EVI5: variants seen among roughly 807,000 people sequenced by gnomAD.
The protein encoded by EVI5 is ecotropic viral integration site 5 protein homolog.
Under a neutral mutation model 112.0 loss-of-function variants are expected in EVI5, and 73 were observed. That is an observed-to-expected ratio of 0.65 (90% CI 0.54 to 0.79). EVI5 has a LOEUF of 0.79. Ranked by LOEUF, EVI5 falls within the 30% of genes least tolerant of loss-of-function variation. The pLI is 0.00. For missense variants in EVI5, 900 were observed against 968.8 expected, an observed-to-expected ratio of 0.93 and a Z score of 0.94; for synonymous variants, 305 against 319.9, an observed-to-expected ratio of 0.95 and a Z score of 0.50.
At chr1:92,638,626 A>C (rs1406617627) in intron 13 of EVI5, among the ~76,000 whole-genome samples, 1 of 152,186 alleles carries the variant, frequency 6.6e-6, no homozygotes, top group Non-Finnish European at 1.5e-5. Context: ...TTATGACAGC[A>C]GCTAACATCT....
intron 10 of EVI5, among the ~76,000 whole-genome samples, chr1:92,667,189 G>T (rs1198701864): frequency 6.6e-6 from 1 of 152,136 alleles, no homozygotes; most frequent in Admixed American, 6.6e-5. Context: ...GGAGGCTCAG[G>T]GGGAAGACGG....
intron 18 of EVI5, among the ~76,000 whole-genome samples, chr1:92,577,534 G>A (rs1413722934): frequency 6.6e-6 from 1 of 152,210 alleles, no homozygotes; most frequent in Non-Finnish European, 1.5e-5. Context: ...CTGAACCAAA[G>A]CCGGTTCCTA....
chr1:92,768,915 T>C (rs1294764557), intron 1 of EVI5, among the ~76,000 whole-genome samples: 4 of 152,050 alleles, frequency 2.6e-5, no homozygotes, highest in African/African-American at 9.7e-5. Context: ...GAATCTTACA[T>C]CCCCCTAAGT....
At chr1:92,688,654 T>C (rs969821206) in intron 9 of EVI5, among the ~76,000 whole-genome samples, 1 of 152,190 alleles carries the variant, frequency 6.6e-6, no homozygotes, top group Non-Finnish European at 1.5e-5. Context: ...ATCAGAAAGA[T>C]AAATTGTAGG....
intron 13 of EVI5, among the ~76,000 whole-genome samples, chr1:92,661,065 A>C (rs1413096449): frequency 1.3e-5 from 2 of 152,050 alleles, no homozygotes; most frequent in Admixed American, 6.5e-5. Flanking sequence ...AAGATCACAT[A>C]GTTGGCAAAA....
chr1:92,735,647 T>TGAC (rs1677235106), intron 2 of EVI5, among the ~76,000 whole-genome samples: 1 of 2,140 alleles, frequency 4.7e-4, no homozygotes, highest in Non-Finnish European at 1.1e-3. Flanking sequence ...GTCATATATA[T>TGAC]ATATAATTAT....
chr1:92,579,722 T>C (rs1410274955), intron 18 of EVI5, among the ~76,000 whole-genome samples: 1 of 152,098 alleles, frequency 6.6e-6, no homozygotes, highest in Non-Finnish European at 1.5e-5. Context: ...TAGTTTTAAC[T>C]AAAAAACAAA....
intron 2 of EVI5, chr1:92,732,135 T>C (rs1676583516): frequency 5.9e-6 from 1 of 169,708 alleles, no homozygotes; most frequent in African/African-American, 2.4e-5. Context: ...AGTCTCATGG[T>C]TGTCCTGAGA....
chr1:92,731,504 T>C (rs1046504761), intron 2 of EVI5, among the ~76,000 whole-genome samples: 3 of 152,198 alleles, frequency 2.0e-5, no homozygotes, highest in African/African-American at 7.2e-5. Context: ...AGAGATTTAA[T>C]GCAATCCCAA....
rs563947157 is a variant in EVI5, at chr1:92,757,204, C to T, written c.-81-20577G>A. ...AATCCGTGTATGACAAAAATGCTCA[C>T]GTCCTGGCTAATAGTTCAAATATTT... On this transcript the variant is annotated intron_variant, in intron 1 of 19. Transcript: ENST00000684568. 3.3e-5 allele frequency among the ~76,000 whole-genome samples: 5 copies of T among 152,300 alleles called. No individual in the cohort carries two copies. The South Asian group carries it at 8.3e-4, about 25-fold the overall frequency.
chr1:92,652,627 T>C (rs1662327626), intron 13 of EVI5, among the ~76,000 whole-genome samples: 1 of 152,306 alleles, frequency 6.6e-6, no homozygotes, highest in East Asian at 1.9e-4. Context: ...AGCTAAGATA[T>C]GGAATCAACC....
intron 19 of EVI5, among the ~76,000 whole-genome samples, chr1:92,537,793 A>G (rs1664137551): frequency 6.6e-6 from 1 of 151,840 alleles, no homozygotes; most frequent in South Asian, 2.1e-4. Context: ...TTAAAAAAAA[A>G]AAACTAAAAA....
intron 9 of EVI5, among the ~76,000 whole-genome samples, chr1:92,678,028 A>G (rs931681697): frequency 6.6e-6 from 1 of 152,174 alleles, no homozygotes; most frequent in African/African-American, 2.4e-5. Flanking sequence ...AAAGATGGGA[A>G]CAACAGATAC....
chr1:92,763,851 G>A (rs1046742728), intron 1 of EVI5, among the ~76,000 whole-genome samples: 1 of 151,856 alleles, frequency 6.6e-6, no homozygotes, highest in East Asian at 1.9e-4. Context: ...TAAACTATAA[G>A]CAACAGTTTC....
intron 1 of EVI5, among the ~76,000 whole-genome samples, chr1:92,752,821 C>T (rs894191176): frequency 6.6e-5 from 10 of 151,984 alleles, no homozygotes; most frequent in African/African-American, 2.4e-4. Flanking sequence ...GCAGTGAGCC[C>T]ACTGCTTAGT....
At chr1:92,538,509 T>G (rs1664254720) in intron 19 of EVI5, among the ~76,000 whole-genome samples, 1 of 152,240 alleles carries the variant, frequency 6.6e-6, no homozygotes, top group South Asian at 2.1e-4. Context: ...CTATATCATG[T>G]GTTTTTTCAG....
intron 2 of EVI5, among the ~76,000 whole-genome samples, chr1:92,732,769 G>A (rs779894003): frequency 7.3e-5 from 11 of 151,270 alleles, no homozygotes; most frequent in African/African-American, 1.7e-4. Flanking sequence ...GCGTGGTGGC[G>A]GGCACCTGTA....
intron 18 of EVI5, among the ~76,000 whole-genome samples, chr1:92,578,449 CGGGCGCCTGTAATCTCAGCACTAT>C (rs1671416125): frequency 6.6e-6 from 1 of 152,076 alleles, no homozygotes; most frequent in Non-Finnish European, 1.5e-5. Flanking sequence ...AATGGACGGC[CGGGCGCCTGTAATCTCAGCACTAT>C]GGGAGGCTGA....
intron 18 of EVI5, among the ~76,000 whole-genome samples, chr1:92,588,834 T>A (rs1358295243): frequency 6.6e-6 from 1 of 152,254 alleles, no homozygotes; most frequent in Non-Finnish European, 1.5e-5. Context: ...AAAGTCTAAT[T>A]GATATTTCAA....
Sources: allele counts gnomAD v4.1 joint callset (sites outside exome capture counted in the v4.1 genomes callset), GRCh38; gene constraint gnomAD v4.1.1; transcripts MANE v1.5; gene names NCBI Gene and HGNC (gene_info 2026-07-23, HGNC 2026-07-21).